The following PSME4 variants were observed in gnomAD, a reference collection of about 807,000 sequenced individuals.
PSME4 encodes the protein proteasome activator complex subunit 4.
In PSME4, 89 loss-of-function variants were observed where a neutral mutation model predicts 253.9. That is an observed-to-expected ratio of 0.35 (90% CI 0.30 to 0.42). The LOEUF (loss-of-function observed/expected upper bound fraction) is 0.42, where lower values mean the gene tolerates loss of function less well. PSME4 is among the 10% of genes least tolerant of loss of function. PSME4 has a pLI of 1.00. For synonymous variants in PSME4, 851 were observed against 759.2 expected (o/e 1.12, Z -1.99); for missense variants, 2,014 against 2,195.2 (o/e 0.92, Z 1.65).
intron 1 of PSME4, among the ~76,000 whole-genome samples, chr2:53,966,625 C>T (rs1670750679): frequency 6.6e-6 from 1 of 152,076 alleles, no homozygotes; most frequent in Admixed American, 6.5e-5. Flanking sequence ...TACAGATAAC[C>T]TGAGGTGTTC....
intron 41 of PSME4, among the ~76,000 whole-genome samples, chr2:53,882,601 G>A (rs1679443134): frequency 6.6e-6 from 1 of 152,086 alleles, no homozygotes; most frequent in African/African-American, 2.4e-5. Context: ...ATTAGTTCAT[G>A]GGCCATGGAG....
intron 1 of PSME4, among the ~76,000 whole-genome samples, chr2:53,959,652 G>A (rs1670393644): frequency 6.6e-6 from 1 of 152,142 alleles, no homozygotes; most frequent in African/African-American, 2.4e-5. Context: ...AAATTACTGT[G>A]ATTTTATTCC....
At chr2:53,945,633 T>C (rs1467902658) in intron 3 of PSME4, among the ~76,000 whole-genome samples, 2 of 152,198 alleles carry the variant, frequency 1.3e-5, no homozygotes, top group Admixed American at 1.3e-4. Flanking sequence ...TTTAAAATCA[T>C]GTTGAAACAC....
At position 53,922,521 on chromosome 2, in the gene PSME4, G is replaced by A. The variant is rs1238087720; in HGVS notation, c.2042C>T (p.Ser681Phe). 1 of 1,612,218 alleles carries A rather than the reference G, an allele frequency of 6.2e-7. No individual in the cohort carries two copies. The highest frequency in any genetic ancestry group is 2.2e-5 in the East Asian group (1 of 44,722). ...KELLWNLQLL[S>F]EITRVDGRKL... is the part of the protein sequence containing the mutation. ...TATTCCAAAGATTTACAATACCTCAGACAAAAGTTGAAGATTCCATAGTAA... is the reference window on the plus strand; with the variant it reads ...TATTCCAAAGATTTACAATACCTCAAACAAAAGTTGAAGATTCCATAGTAA... Residue 681 changes from serine to phenylalanine, a missense_variant, in exon 17 of 47, where the codon TCT becomes TTT. Ser to Phe is a radical substitution (Grantham distance 155). Transcript: ENST00000404125.
chr2:53,895,541 A>G, intron 33 of PSME4, 42 bp downstream of exon 33: 1 of 1,553,810 alleles, frequency 6.4e-7, no homozygotes, highest in South Asian at 1.3e-5. Flanking sequence ...AAGCAGTTAT[A>G]TCAAAGGCAT....
rs71408747 is a variant in PSME4 at position 53,967,649 on chromosome 2, CAAAAAAA to C, written c.242+2887_242+2893del. ...TCTGGGCAACAGAGTGAGATTGTCT[CAAAAAAA>C]AAAAAAAAAAAAAAAAAAAAAAAGT... On this transcript the variant is annotated intron_variant, in intron 1 of 46. Coordinates refer to ENST00000404125, the MANE Select transcript of PSME4 (RefSeq NM_014614.3). 3.5e-3 allele frequency among the ~76,000 whole-genome samples: 75 copies of C among 21,550 alleles called. 1 individual carries two copies. Among genetic ancestry groups the C allele is most frequent in the South Asian group, 0.014 (3 of 210 alleles). The allele number at this position is 21,550 out of a possible 152,430, so 14.1% of individuals were successfully genotyped here.
chr2:53,867,826 A>T (rs1678646184), intron 44 of PSME4, among the ~76,000 whole-genome samples: 1 of 152,046 alleles, frequency 6.6e-6, no homozygotes, highest in South Asian at 2.1e-4. Context: ...GCCCCTACCC[A>T]GAATACATCA....
Position 53,898,292 on chromosome 2 carries a change from T to G in PSME4, c.3476+9A>C, listed in dbSNP as rs756324186. On this transcript the variant is annotated intron_variant, in intron 30 of 46. Transcript: ENST00000404125. The stretch of plus-strand genomic sequence containing the variant: ...TGCTGTGAGAATTACAAAAATCTTT[T>G]GCACTTACAGGTTTCTTTGCTCCAC... 2.5e-6 allele frequency: 4 copies of G among 1,599,674 alleles called. No homozygotes were observed. The East Asian group carries it at 6.7e-5, about 27-fold the overall frequency.
chr2:53,931,326 G>A (rs1381482092), intron 10 of PSME4, among the ~76,000 whole-genome samples: 1 of 152,008 alleles, frequency 6.6e-6, no homozygotes, highest in Non-Finnish European at 1.5e-5. Flanking sequence ...CGCCTATTCT[G>A]TGACAGTGGC....
At chr2:53,955,196 G>A (rs910774671) in intron 1 of PSME4, among the ~76,000 whole-genome samples, 1 of 151,890 alleles carries the variant, frequency 6.6e-6, no homozygotes, top group Non-Finnish European at 1.5e-5. Context: ...TTTTTAAAAG[G>A]CCAAATGCAC....
At chr2:53,929,143 G>T (rs1668703666) in intron 10 of PSME4, among the ~76,000 whole-genome samples, 1 of 146,630 alleles carries the variant, frequency 6.8e-6, no homozygotes, top group East Asian at 2.0e-4. Flanking sequence ...TCCAGCCTGG[G>T]CGACAGAGCA....
At chr2:53,945,648 C>T (rs921849184) in intron 3 of PSME4, among the ~76,000 whole-genome samples, 1 of 152,058 alleles carries the variant, frequency 6.6e-6, no homozygotes, top group Admixed American at 6.6e-5. Context: ...AAACACATGC[C>T]GCTCTAAGCA....
chr2:53,903,097 C>T (rs1267851147), intron 27 of PSME4, among the ~76,000 whole-genome samples: 2 of 152,168 alleles, frequency 1.3e-5, no homozygotes, highest in Non-Finnish European at 2.9e-5. Flanking sequence ...ACATATGCCC[C>T]TTGGTCCTCT....
intron 20 of PSME4, among the ~76,000 whole-genome samples, chr2:53,918,098 G>C (rs1490344872): frequency 6.6e-6 from 1 of 152,142 alleles, no homozygotes; most frequent in Non-Finnish European, 1.5e-5. Flanking sequence ...AAGACATGTA[G>C]CCACATTTTG....
chr2:53,903,637 G>C (rs187815189), intron 27 of PSME4, among the ~76,000 whole-genome samples: 1 of 151,840 alleles, frequency 6.6e-6, no homozygotes, highest in East Asian at 1.9e-4. Flanking sequence ...AAACTTCTTG[G>C]TCTTTCATCC....
chr2:53,902,457 A>G lies in PSME4; in HGVS notation c.3076-898T>C, dbSNP rs144486701. On this transcript the variant is annotated intron_variant, in intron 27 of 46. Transcript: ENST00000404125. Reference sequence around the variant, plus strand: ...TTTGATTTCCAATTTACCTCACCTGATTCCAATCTAGCTTATTACTGACTT... The same window carrying G: ...TTTGATTTCCAATTTACCTCACCTGGTTCCAATCTAGCTTATTACTGACTT... Among the ~76,000 whole-genome samples the G allele has an allele frequency of 2.6e-3, 389 of 152,284 alleles. 1 individual carries two copies. The highest frequency in any genetic ancestry group is 9.2e-3 in the African/African-American group (381 of 41,548).
At chr2:53,947,621 G>GC (rs1669780755) in intron 3 of PSME4, among the ~76,000 whole-genome samples, 1 of 151,860 alleles carries the variant, frequency 6.6e-6, no homozygotes, top group African/African-American at 2.4e-5. Flanking sequence ...CAGGAGAACG[G>GC]CATGAACCCT....
chr2:53,885,842 T>C (rs1679609194), intron 40 of PSME4, 67 bp from the exon 41 acceptor site: 1 of 1,132,826 alleles, frequency 8.8e-7, no homozygotes, highest in Non-Finnish European at 1.3e-6. Context: ...AGTAGAACAA[T>C]ATTGTAATGT....
At chr2:53,910,945 G>C (rs926683137) in intron 20 of PSME4, among the ~76,000 whole-genome samples, 6 of 152,138 alleles carry the variant, frequency 3.9e-5, no homozygotes, top group African/African-American at 1.4e-4. Context: ...AGCATATACA[G>C]AGTTAATAAA....
Sources: gnomAD v4.1 joint callset for allele counts (sites outside exome capture counted in the v4.1 genomes callset) on GRCh38, gnomAD v4.1.1 for gene constraint, MANE v1.5 for transcripts, NCBI Gene and HGNC (gene_info 2026-07-23, HGNC 2026-07-21) for gene names.